PRKAR1A: variants seen among roughly 807,000 people sequenced by gnomAD.
PRKAR1A encodes the protein cAMP-dependent protein kinase type I-alpha regulatory subunit.
A neutral mutation model predicts 52.0 loss-of-function variants in PRKAR1A; 3 were observed. The ratio of observed to expected loss-of-function variants is 0.06; its 90% CI spans 0.03 to 0.15. PRKAR1A has a LOEUF of 0.15. Among genes scored for constraint, PRKAR1A ranks in the 10% least tolerant of loss-of-function variants. PRKAR1A has a pLI of 1.00. For synonymous variants in PRKAR1A, 188 were observed against 168.4 expected (o/e 1.12, Z -0.90); for missense variants, 240 against 477.4 (o/e 0.50, Z 4.63).
chr17:68,422,428 C>CA, the PRKAR1A span: 1,383 of 106,062 alleles, frequency 0.013, 19 homozygotes, highest in African/African-American at 0.042. Context: ...GACTCCATCT[C>CA]AAAAAAAAAA....
the PRKAR1A span, among the ~76,000 whole-genome samples, chr17:68,488,202 C>T: frequency 2.0e-5 from 3 of 151,998 alleles, no homozygotes; most frequent in Admixed American, 6.6e-5. Context: ...GCCCTGAGAT[C>T]GAGGTGGGCC....
the PRKAR1A span, chr17:68,426,018 A>T: frequency 7.1e-7 from 1 of 1,416,500 alleles, no homozygotes; most frequent in Non-Finnish European, 1.0e-6. Context: ...TATGAGGCGA[A>T]GGTTTCCTTC....
At chr17:68,429,069 G>A in the PRKAR1A span, 10 of 658,210 alleles carry the variant, frequency 1.5e-5, no homozygotes, top group Admixed American at 1.2e-4. Flanking sequence ...CACTGATCTG[G>A]TCTGGGCTTC....
intron 11 of PRKAR1A, chr17:68,541,217 CG>C (rs779017745): frequency 4.2e-6 from 2 of 479,350 alleles, no homozygotes; most frequent in Non-Finnish European, 7.6e-6. Context: ...GGGGAGAGGC[CG>C]GGGCAGGCAG....
At chr17:68,429,176 C>T in the PRKAR1A span, among the ~76,000 whole-genome samples, 8,821 of 151,564 alleles carry the variant, frequency 0.058, 337 homozygotes, top group East Asian at 0.17. Context: ...AGTGTAGATG[C>T]TGCGACCCTG....
the PRKAR1A span, chr17:68,493,647 G>T: frequency 1.3e-5 from 2 of 150,900 alleles, no homozygotes; most frequent in South Asian, 4.2e-4. Context: ...AGGCTGGAGT[G>T]CAGTGGCGTG....
Position 68,530,796 on chromosome 17 carries a change from A to AT in PRKAR1A, c.*357dup, listed in dbSNP as rs1031270550. On this transcript the variant is annotated 3_prime_UTR_variant, in exon 11 of 11. Coordinates refer to ENST00000589228, the MANE Select transcript of PRKAR1A (RefSeq NM_002734.5). ...TAGAGTAATGATGTAACAGTGCAAG[A>AT]TTTTTTTTTTAAGTGACATAATTGT... 572 of 1,194,246 alleles carry AT rather than the reference A, an allele frequency of 4.8e-4. No homozygotes were observed. The highest frequency in any genetic ancestry group is 1.4e-3 in the South Asian group (72 of 51,068). The allele number at this position is 1,194,246 out of a possible 1,614,324, so 74.0% of individuals were successfully genotyped here.
At chr17:68,495,258 C>T in the PRKAR1A span, among the ~76,000 whole-genome samples, 1,353 of 152,256 alleles carry the variant, frequency 8.9e-3, 28 homozygotes, top group African/African-American at 0.031. Context: ...GTTTCAAACT[C>T]CTGGCCTCAA....
chr17:68,472,828 T>A, the PRKAR1A span, among the ~76,000 whole-genome samples: 16 of 149,698 alleles, frequency 1.1e-4, no homozygotes, highest in Non-Finnish European at 8.8e-5. Flanking sequence ...CCACTGTAAT[T>A]CCAGTTACCC....
At chr17:68,436,405 C>G in the PRKAR1A span, 2 of 1,613,982 alleles carry the variant, frequency 1.2e-6, no homozygotes, top group Non-Finnish European at 1.7e-6. Context: ...TCATAAAGCA[C>G]AATCTCCCCT....
At chr17:68,473,021 C>T in the PRKAR1A span, among the ~76,000 whole-genome samples, 2 of 152,088 alleles carry the variant, frequency 1.3e-5, no homozygotes, top group Non-Finnish European at 2.9e-5. Context: ...CACTTTTCTG[C>T]AAATTCATTC....
the PRKAR1A span, among the ~76,000 whole-genome samples, chr17:68,445,523 C>T: frequency 6.6e-6 from 1 of 152,204 alleles, no homozygotes; most frequent in African/African-American, 2.4e-5. Flanking sequence ...TTTGAACACC[C>T]CAGTGCCCCA....
the PRKAR1A span, chr17:68,434,548 A>G: frequency 1.2e-6 from 2 of 1,613,854 alleles, no homozygotes; most frequent in Admixed American, 3.3e-5. Context: ...TTGACATTGA[A>G]CACAGACCTT....
At chr17:68,550,763 G>A (rs916468926) in intron 11 of PRKAR1A, among the ~76,000 whole-genome samples, 1 of 152,152 alleles carries the variant, frequency 6.6e-6, no homozygotes, top group Non-Finnish European at 1.5e-5. Flanking sequence ...TAGTCCACTG[G>A]ACTCCCTGAG....
the PRKAR1A span, among the ~76,000 whole-genome samples, chr17:68,503,262 A>C: frequency 6.6e-6 from 1 of 152,228 alleles, no homozygotes; most frequent in African/African-American, 2.4e-5. Flanking sequence ...TGCTGGTGGG[A>C]ATGCAAGATG....
chr17:68,436,241 C>T, the PRKAR1A span: 49 of 732,012 alleles, frequency 6.7e-5, 1 homozygote, highest in African/African-American at 6.5e-4. Context: ...GAAATAGTAT[C>T]ACCTTCTCTT....
At chr17:68,538,701 G>A (rs2086168147) in intron 11 of PRKAR1A, among the ~76,000 whole-genome samples, 1 of 152,236 alleles carries the variant, frequency 6.6e-6, no homozygotes, top group Non-Finnish European at 1.5e-5. Flanking sequence ...GCTGGGCAAA[G>A]CAGAGGTCTG....
the PRKAR1A span, among the ~76,000 whole-genome samples, chr17:68,478,793 T>A: frequency 6.6e-6 from 1 of 151,714 alleles, no homozygotes; most frequent in African/African-American, 2.4e-5. Flanking sequence ...AGTGGCACGA[T>A]CTCGGCTCAC....
chr17:68,533,440 G>T (rs2086031493), downstream of PRKAR1A: 1 of 1,050,362 alleles, frequency 9.5e-7, no homozygotes, highest in Non-Finnish European at 1.2e-6. Context: ...AATTTCTCTG[G>T]GTTGACAGTC....
Sources: allele counts gnomAD v4.1 joint callset (sites outside exome capture counted in the v4.1 genomes callset), GRCh38; gene constraint gnomAD v4.1.1; transcripts MANE v1.5; gene names NCBI Gene and HGNC (gene_info 2026-07-23, HGNC 2026-07-21).